DLGAP1: variants seen among roughly 807,000 people sequenced by gnomAD.
DLGAP1 encodes the protein disks large-associated protein 1.
Under a neutral mutation model 90.8 loss-of-function variants are expected in DLGAP1, and 11 were observed. The ratio of observed to expected loss-of-function variants is 0.12; its 90% CI spans 0.08 to 0.20. The LOEUF (loss-of-function observed/expected upper bound fraction) is 0.20. Among genes scored for constraint, DLGAP1 ranks in the 10% least tolerant of loss-of-function variants. The pLI is 1.00. For missense variants in DLGAP1, 1,050 were observed against 1,333.8 expected, an observed-to-expected ratio of 0.79 and a Z score of 3.31; for synonymous variants, 558 against 540.7, an observed-to-expected ratio of 1.03 and a Z score of -0.44.
chr18:4,282,017 A>C (rs1429724393), intron 1 of DLGAP1, among the ~76,000 whole-genome samples: 1 of 152,206 alleles, frequency 6.6e-6, no homozygotes, highest in African/African-American at 2.4e-5. Flanking sequence ...TTAATAATCA[A>C]TGTGATCAAT....
intron 5 of DLGAP1, among the ~76,000 whole-genome samples, chr18:3,765,424 C>A (rs2064195452): frequency 6.6e-6 from 1 of 151,862 alleles, no homozygotes; most frequent in Non-Finnish European, 1.5e-5. Flanking sequence ...GCCACTGCAC[C>A]TGGCTCCACA....
rs115689779 is a variant in DLGAP1, at chr18:3,534,752, C to A, written c.2058-137G>T. 9.8e-4 allele frequency: 802 copies of A among 817,494 alleles called. 4 individuals carry two copies. In the African/African-American group the frequency reaches 0.013, roughly 13 times the overall value. 50.6% of individuals were successfully genotyped at this position (817,494 alleles called of 1,614,324 possible). A position where few individuals can be genotyped will look rare whatever the true frequency, so the allele number is the denominator to read the frequency against. On this transcript the variant is annotated intron_variant, in intron 9 of 12. Coordinates refer to ENST00000315677, the MANE Select transcript of DLGAP1 (RefSeq NM_004746.4). ...GTCTCCCAGGCTGGAGTGCAAGTGG[C>A]GTGATCTCGGCTCACAGCAACCTCC... is the stretch of plus-strand genomic sequence containing the variant.
intron 1 of DLGAP1, among the ~76,000 whole-genome samples, chr18:4,332,383 C>T (rs919344289): frequency 5.3e-5 from 8 of 151,344 alleles, no homozygotes; most frequent in African/African-American, 9.8e-5. Flanking sequence ...TAATATTTTG[C>T]GTATTATTAG....
At chr18:4,234,784 T>C (rs2078372274) in intron 1 of DLGAP1, among the ~76,000 whole-genome samples, 1 of 152,184 alleles carries the variant, frequency 6.6e-6, no homozygotes, top group Non-Finnish European at 1.5e-5. Flanking sequence ...TACACCCATT[T>C]CAACTCACGG....
chr18:4,252,645 C>T (rs778697346), intron 1 of DLGAP1, among the ~76,000 whole-genome samples: 1 of 152,166 alleles, frequency 6.6e-6, no homozygotes, highest in Non-Finnish European at 1.5e-5. Flanking sequence ...GCTAAAGAAA[C>T]GAAAGCCAAA....
intron 2 of DLGAP1, among the ~76,000 whole-genome samples, chr18:4,126,889 T>C (rs1292395099): frequency 6.6e-6 from 1 of 152,186 alleles, no homozygotes; most frequent in Non-Finnish European, 1.5e-5. Context: ...GAAACCTTTC[T>C]CCCTCAAGGG....
At chr18:4,404,252 G>A (rs993208651) in intron 1 of DLGAP1, among the ~76,000 whole-genome samples, 1 of 152,160 alleles carries the variant, frequency 6.6e-6, no homozygotes, top group Non-Finnish European at 1.5e-5. Context: ...ATGAATCAGA[G>A]CAAGTGAAAT....
chr18:3,950,214 T>G (rs889370774), intron 3 of DLGAP1, among the ~76,000 whole-genome samples: 2 of 152,216 alleles, frequency 1.3e-5, no homozygotes, highest in African/African-American at 2.4e-5. Context: ...GAGCCAGTAT[T>G]TCATTATTTG....
intron 2 of DLGAP1, among the ~76,000 whole-genome samples, chr18:4,073,526 G>T (rs2075481187): frequency 6.6e-6 from 1 of 152,096 alleles, no homozygotes; most frequent in Non-Finnish European, 1.5e-5. Context: ...GGAGGATAAT[G>T]AAGGGGGAAA....
intron 7 of DLGAP1, chr18:3,608,396 T>G (rs529837763): frequency 2.6e-5 from 4 of 152,186 alleles, no homozygotes; most frequent in Non-Finnish European, 4.4e-5. Context: ...AACTTGCTGG[T>G]TTTGGTAAAT....
chr18:4,295,910 T>C (rs962785767), intron 1 of DLGAP1, among the ~76,000 whole-genome samples: 1 of 152,260 alleles, frequency 6.6e-6, no homozygotes, highest in South Asian at 2.1e-4. Context: ...AAGATACTAA[T>C]GATTAAAGTA....
Position 4,402,009 on chromosome 18 carries a change from C to T in DLGAP1, c.-267+52997G>A, listed in dbSNP as rs1409693236. On this transcript the variant is annotated intron_variant, in intron 1 of 12. Coordinates refer to ENST00000315677, the MANE Select transcript of DLGAP1 (RefSeq NM_004746.4). ...AAGCACCTAGGTGATTTAAGCACCA[C>T]ACTGAGGGGACACAGACAGGGAGAG... Among the ~76,000 whole-genome samples the T allele has an allele frequency of 2.6e-5, 4 of 152,346 alleles. No homozygotes were observed. The East Asian group carries it at 5.8e-4, about 22-fold the overall frequency.
At chr18:4,162,059 T>G (rs2076855420) in intron 1 of DLGAP1, among the ~76,000 whole-genome samples, 1 of 152,160 alleles carries the variant, frequency 6.6e-6, no homozygotes, top group African/African-American at 2.4e-5. Context: ...ACTGAGTGGT[T>G]ACCTGTGCCA....
At chr18:4,033,211 A>G (rs2149133114) in intron 2 of DLGAP1, among the ~76,000 whole-genome samples, 1 of 152,050 alleles carries the variant, frequency 6.6e-6, no homozygotes, top group South Asian at 2.1e-4. Context: ...TGATGTGTAA[A>G]ACATTGAAAC....
At chr18:4,368,805 A>G (rs1195668411) in intron 1 of DLGAP1, among the ~76,000 whole-genome samples, 1 of 152,126 alleles carries the variant, frequency 6.6e-6, no homozygotes, top group Non-Finnish European at 1.5e-5. Flanking sequence ...GCCCAATATA[A>G]TATTGAAATA....
chr18:3,599,779 C>T lies in DLGAP1; in HGVS notation c.1592-17531G>A, dbSNP rs914337030. On this transcript the variant is annotated intron_variant, in intron 7 of 12. Transcript: ENST00000315677. ...GGACTACAGGAGGCGCCACCACGCC[C>T]GGCTAATTTTGGTATTTTTAGTAGA... 9.1e-4 allele frequency among the ~76,000 whole-genome samples: 139 copies of T among 152,110 alleles called. 1 individual carries two copies. The highest frequency in any genetic ancestry group is 3.3e-3 in the African/African-American group (135 of 41,498).
chr18:3,726,475 T>C (rs1050085475), intron 7 of DLGAP1, among the ~76,000 whole-genome samples: 4 of 148,456 alleles, frequency 2.7e-5, no homozygotes, highest in African/African-American at 1.0e-4. Context: ...GAGAGAGAGA[T>C]AAATAGCACA....
chr18:3,588,900 C>T lies in DLGAP1; in HGVS notation c.1592-6652G>A, dbSNP rs146513037. ...CCTACATTTGTATGGAAAGATAATGCGGCCAGGCGCGGTGGCTTATGCCTG... is the reference window on the plus strand; with the variant it reads ...CCTACATTTGTATGGAAAGATAATGTGGCCAGGCGCGGTGGCTTATGCCTG... On this transcript the variant is annotated intron_variant, in intron 7 of 12. Coordinates refer to ENST00000315677, the MANE Select transcript of DLGAP1 (RefSeq NM_004746.4). Among the ~76,000 whole-genome samples, 344 of 152,156 alleles carry T rather than the reference C, an allele frequency of 2.3e-3. 2 individuals carry two copies. Among genetic ancestry groups the T allele is most frequent in the African/African-American group, 7.5e-3 (312 of 41,544 alleles).
chr18:4,444,967 G>C (rs1437846355), intron 1 of DLGAP1, among the ~76,000 whole-genome samples: 1 of 152,168 alleles, frequency 6.6e-6, no homozygotes, highest in Non-Finnish European at 1.5e-5. Context: ...AGTAGAATCT[G>C]GATTGTGAAG....
Sources: allele counts gnomAD v4.1 joint callset (sites outside exome capture counted in the v4.1 genomes callset), GRCh38; gene constraint gnomAD v4.1.1; transcripts MANE v1.5; gene names NCBI Gene and HGNC (gene_info 2026-07-23, HGNC 2026-07-21).